SLC18A1: variants seen among roughly 807,000 people sequenced by gnomAD.
SLC18A1 encodes the protein chromaffin granule amine transporter.
SLC18A1 carries 69 observed loss-of-function variants against 53.7 expected under a neutral mutation model. The observed-to-expected ratio is 1.28, with a 90% CI of 1.06 to 1.57. The LOEUF (loss-of-function observed/expected upper bound fraction) is 1.57. SLC18A1 is among the 40% of genes most tolerant of loss of function. The pLI, the probability that SLC18A1 is intolerant of heterozygous loss-of-function variation, is 0.00. For missense variants in SLC18A1, 932 were observed against 668.1 expected (o/e 1.40, Z -4.35); for synonymous variants, 320 against 248.1 (o/e 1.29, Z -2.72).
intron 10 of SLC18A1, among the ~76,000 whole-genome samples, chr8:20,154,564 T>C (rs1265997562): frequency 2.0e-5 from 3 of 152,250 alleles, no homozygotes; most frequent in Admixed American, 1.3e-4. Flanking sequence ...TGAACTTCCA[T>C]CTAGATGTTG....
At position 20,171,107 on chromosome 8, in the gene SLC18A1, G is replaced by A. The variant is rs1262022051; in HGVS notation, c.854C>T (p.Pro285Leu). Reference sequence around the variant, plus strand: ...TGGAGCTTTGTGTCTGCTTACCTCAGGAGAGACTTTGGAAGGCTGTAGGAT... The same window carrying A: ...TGGAGCTTTGTGTCTGCTTACCTCAAGAGAGACTTTGGAAGGCTGTAGGAT... ...LCILQPSKVSPESAKGTPLFM... is the reference protein window; with the variant it reads ...LCILQPSKVSLESAKGTPLFM... The change falls in exon 8 of 16, where the codon CCT (proline) becomes CTT (leucine). Residue 285 changes from proline to leucine, a missense_variant. Transcript: ENST00000276373. 1 of 1,614,120 alleles carries A rather than the reference G, an allele frequency of 6.2e-7. No individual in the cohort carries two copies. Among genetic ancestry groups the A allele is most frequent in the Non-Finnish European group, 8.5e-7 (1 of 1,179,996 alleles).
At chr8:20,165,681 G>T (rs554867601) in intron 8 of SLC18A1, among the ~76,000 whole-genome samples, 4 of 152,050 alleles carry the variant, frequency 2.6e-5, no homozygotes, top group African/African-American at 7.2e-5. Flanking sequence ...ATCTAAACTT[G>T]GTCGCCCCAC....
intron 6 of SLC18A1, among the ~76,000 whole-genome samples, chr8:20,172,357 G>A (rs2072144929): frequency 6.6e-6 from 1 of 152,216 alleles, no homozygotes; most frequent in African/African-American, 2.4e-5. Context: ...TGGGGCATAG[G>A]CCGGGGAAGA....
intron 5 of SLC18A1, among the ~76,000 whole-genome samples, chr8:20,173,526 G>A (rs1463781475): frequency 1.3e-5 from 2 of 152,222 alleles, no homozygotes; most frequent in Admixed American, 1.3e-4. Context: ...GGGAAGAGCA[G>A]GAAAGCACTG....
rs1181101416 is a variant in SLC18A1, at chr8:20,166,289, CTATATATA to C, written c.859-1190_859-1183del. Among the ~76,000 whole-genome samples the C allele has an allele frequency of 7.5e-4, 80 of 107,256 alleles. 1 individual carries two copies. The highest frequency in any genetic ancestry group is 2.6e-3 in the African/African-American group (75 of 29,214). The allele number at this position is 107,256 out of a possible 152,430, so 70.4% of individuals were successfully genotyped here. A position where few individuals can be genotyped will look rare whatever the true frequency, so the allele number is the denominator to read the frequency against. Reference sequence around the variant, plus strand: ...AAATTGTGTGTGGGTGTGTGTGTGTCTATATATATATATATATATATATATATATATAT... The same window carrying C: ...AAATTGTGTGTGGGTGTGTGTGTGTCTATATATATATATATATATATATAT... On this transcript the variant is annotated intron_variant, in intron 8 of 15. Coordinates refer to ENST00000276373, the MANE Select transcript of SLC18A1 (RefSeq NM_003053.4).
intron 10 of SLC18A1, among the ~76,000 whole-genome samples, chr8:20,161,151 G>A (rs73669731): frequency 0.047 from 7,109 of 152,180 alleles, 472 homozygotes; most frequent in East Asian, 0.27. Context: ...AGTCTTAAGT[G>A]GTTCCAGTGT....
chr8:20,180,745 T>A, intron 2 of SLC18A1, 96 bp downstream of exon 2: 1 of 1,487,640 alleles, frequency 6.7e-7, no homozygotes, highest in South Asian at 1.2e-5. Context: ...AAAGGAAAAT[T>A]CTCAGATGGA....
intron 10 of SLC18A1, among the ~76,000 whole-genome samples, chr8:20,159,057 T>G (rs1205935245): frequency 6.6e-6 from 1 of 152,166 alleles, no homozygotes; most frequent in Non-Finnish European, 1.5e-5. Flanking sequence ...CTTCCAGAAT[T>G]GAAGCTGTAA....
At chr8:20,150,822 A>G in intron 10 of SLC18A1, 78 bp from the exon 11 acceptor site, 1 of 1,287,910 alleles carries the variant, frequency 7.8e-7, no homozygotes, top group South Asian at 1.2e-5. Context: ...AAGACACTGA[A>G]GTCCACCCCT....
chr8:20,147,637 G>A lies in SLC18A1; in HGVS notation c.1296C>T (p.Ile432=), dbSNP rs778807328. 1.5e-5 allele frequency: 24 copies of A among 1,613,980 alleles called. No individual in the cohort carries two copies. Among genetic ancestry groups the A allele is most frequent in the Middle Eastern group, 1.6e-4 (1 of 6,080 alleles). ...HTSVYGSVYA[I]ADVAFCMGFA... ...AGCCCATGCAAAAAGCCACATCAGC[G>A]ATGGCGTAGACACTCCCATACACCG... Residue 432 remains isoleucine, a synonymous_variant, in exon 14 of 16, where the codon ATC becomes ATT. Coordinates refer to ENST00000276373, the MANE Select transcript of SLC18A1 (RefSeq NM_003053.4).
intron 4 of SLC18A1, among the ~76,000 whole-genome samples, chr8:20,178,030 G>T (rs1217943453): frequency 6.6e-6 from 1 of 151,658 alleles, no homozygotes; most frequent in East Asian, 1.9e-4. Flanking sequence ...TTTGTGAGTT[G>T]CCCTTTTCCA....
chr8:20,173,478 A>G (rs953259180), intron 5 of SLC18A1, among the ~76,000 whole-genome samples: 1 of 152,188 alleles, frequency 6.6e-6, no homozygotes, highest in African/African-American at 2.4e-5. Flanking sequence ...AGGAAAATCT[A>G]GGCACACAGA....
rs1414958743 is a variant in SLC18A1, at chr8:20,173,138, G to T, written c.632-10C>A. ...GCCAGCATTCCAAGACCTGCGCAGAGAGTTACAGATGCAGCTGGCCCCCTG... is the reference window on the plus strand; with the variant it reads ...GCCAGCATTCCAAGACCTGCGCAGATAGTTACAGATGCAGCTGGCCCCCTG... On this transcript the variant is annotated splice_polypyrimidine_tract_variant and intron_variant, in intron 5 of 15. Transcript: ENST00000276373. 1.9e-6 allele frequency: 3 copies of T among 1,560,382 alleles called. No homozygotes were observed. The highest frequency in any genetic ancestry group is 2.6e-6 in the Non-Finnish European group (3 of 1,152,384).
At chr8:20,171,352 A>G (rs1425755384) in intron 7 of SLC18A1, 53 bp downstream of exon 7, 1 of 1,500,170 alleles carries the variant, frequency 6.7e-7, no homozygotes, top group Non-Finnish European at 9.3e-7. Flanking sequence ...AACATAATGC[A>G]TTCCCAACCT....
rs768711278 is a variant in SLC18A1, at chr8:20,171,129, G to C, written c.832C>G (p.Leu278Val). 15 of 1,614,182 alleles carry C rather than the reference G, an allele frequency of 9.3e-6. No homozygotes were observed. Among genetic ancestry groups the C allele is most frequent in the Non-Finnish European group, 1.3e-5 (15 of 1,180,020 alleles). The change falls in exon 8 of 16, where the codon CTA (leucine) becomes GTA (valine). Residue 278 changes from leucine (L) to valine (V), a missense_variant. Coordinates refer to ENST00000276373, the MANE Select transcript of SLC18A1 (RefSeq NM_003053.4). Reference sequence around the variant, plus strand: ...TCAGGAGAGACTTTGGAAGGCTGTAGGATGCAAAGCTGGAGTGCTAAGAAA... The same window carrying C: ...TCAGGAGAGACTTTGGAAGGCTGTACGATGCAAAGCTGGAGTGCTAAGAAA... ...LLDGALQLCILQPSKVSPESA... is the reference protein window; with the variant it reads ...LLDGALQLCIVQPSKVSPESA...
chr8:20,168,882 T>C (rs1282530006), intron 8 of SLC18A1, among the ~76,000 whole-genome samples: 1 of 152,180 alleles, frequency 6.6e-6, no homozygotes, highest in Non-Finnish European at 1.5e-5. Flanking sequence ...ATTGGTGAAC[T>C]AGAAAAACCA....
At chr8:20,164,631 C>T (rs1209970611) in intron 10 of SLC18A1, among the ~76,000 whole-genome samples, 2 of 152,148 alleles carry the variant, frequency 1.3e-5, no homozygotes, top group East Asian at 1.9e-4. Context: ...ATTAATCATC[C>T]TACTACACAG....
At chr8:20,154,950 A>T (rs1173032268) in intron 10 of SLC18A1, among the ~76,000 whole-genome samples, 2 of 152,104 alleles carry the variant, frequency 1.3e-5, no homozygotes, top group East Asian at 3.9e-4. Context: ...GCCACTCCTG[A>T]TTGGGCTAAA....
At chr8:20,165,969 C>G (rs1414402206) in intron 8 of SLC18A1, among the ~76,000 whole-genome samples, 1 of 152,050 alleles carries the variant, frequency 6.6e-6, no homozygotes, top group Non-Finnish European at 1.5e-5. Context: ...TGCACACACA[C>G]AATAGTGGAT....
Sources: gnomAD v4.1 joint callset for allele counts (sites outside exome capture counted in the v4.1 genomes callset) on GRCh38, gnomAD v4.1.1 for gene constraint, MANE v1.5 for transcripts, NCBI Gene and HGNC (gene_info 2026-07-23, HGNC 2026-07-21) for gene names.